GTPBP1: variants seen among roughly 807,000 people sequenced by gnomAD.
GTPBP1 encodes GTP-binding protein 1.
Under a neutral mutation model 62.0 loss-of-function variants are expected in GTPBP1, and 23 were observed. The ratio of observed to expected loss-of-function variants is 0.37; its 90% CI spans 0.27 to 0.53. The LOEUF (loss-of-function observed/expected upper bound fraction) is 0.53. GTPBP1 is among the 20% of genes least tolerant of loss of function. GTPBP1 has a pLI of 0.89. For synonymous variants in GTPBP1, 344 were observed against 364.4 expected (o/e 0.94, Z 0.64); for missense variants, 640 against 917.3 (o/e 0.70, Z 3.90).
At chr22:38,725,824 C>T in intron 6 of GTPBP1, 182 bp from the exon 7 acceptor site, 1 of 626,774 alleles carries the variant, frequency 1.6e-6, no homozygotes, top group Non-Finnish European at 2.8e-6. Flanking sequence ...TAGGGCTGGC[C>T]AGGAGCTTGC....
intron 2 of GTPBP1, 55 bp from the exon 3 acceptor site, chr22:38,715,852 C>A: frequency 6.8e-7 from 1 of 1,472,428 alleles, no homozygotes; most frequent in South Asian, 1.2e-5. Context: ...GGCTGGTTGG[C>A]AGGCTGGTTG....
downstream of GTPBP1, chr22:38,734,224 G>A (rs984068450): frequency 1.0e-4 from 46 of 438,896 alleles, no homozygotes; most frequent in African/African-American, 7.2e-4. Context: ...AGAGAACCAC[G>A]CGAACCAGGT....
downstream of GTPBP1, chr22:38,738,790 T>G: frequency 6.2e-7 from 1 of 1,606,692 alleles, no homozygotes; most frequent in Non-Finnish European, 8.5e-7. This position sits in a 1 kb window ranked among gnomAD's most constrained non-coding sequence, Gnocchi z 6.6. Flanking sequence ...GACAGGGCCC[T>G]GAGTCCAGCT....
At chr22:38,741,721 G>C (rs182017997), downstream of GTPBP1, 1 of 684,864 alleles carries the variant, frequency 1.5e-6, no homozygotes, top group Non-Finnish European at 2.6e-6. Flanking sequence ...CAAGACTCCC[G>C]CTTCAGCTCC....
downstream of GTPBP1, chr22:38,742,227 C>T: frequency 6.6e-7 from 1 of 1,504,420 alleles, no homozygotes; most frequent in Non-Finnish European, 8.9e-7. Flanking sequence ...CACTTGTTCT[C>T]TCTGCTGCTG....
chr22:38,713,056 A>C (rs1252098794), intron 2 of GTPBP1, among the ~76,000 whole-genome samples: 2 of 152,206 alleles, frequency 1.3e-5, no homozygotes, highest in East Asian at 1.9e-4. Context: ...AAGGCAGTAC[A>C]TTGCAAATGT....
chr22:38,708,983 T>G, intron 2 of GTPBP1, 27 bp downstream of exon 2: 1 of 1,382,646 alleles, frequency 7.2e-7, no homozygotes, highest in Non-Finnish European at 1.0e-6. Flanking sequence ...TTTCACTTTA[T>G]TTTTAAAAAT....
intron 10 of GTPBP1, chr22:38,728,387 C>A (rs2092738170): frequency 1.9e-6 from 1 of 530,800 alleles, no homozygotes; most frequent in Non-Finnish European, 3.4e-6. Context: ...AGGGTATGAT[C>A]TTCCTCCATA....
downstream of GTPBP1, chr22:38,740,677 C>T (rs928599686): frequency 5.2e-6 from 3 of 572,796 alleles, no homozygotes; most frequent in African/African-American, 3.7e-5. This position sits in a 1 kb window ranked among gnomAD's most constrained non-coding sequence, Gnocchi z 4.8. Context: ...TACTCTGCCT[C>T]AGCCTCTCAC....
Position 38,726,413 on chromosome 22 carries a change from C to G in GTPBP1, c.1374C>G (p.Gly458=). 1 of 1,613,726 alleles carries G rather than the reference C, an allele frequency of 6.2e-7. No homozygotes were observed. The highest frequency in any genetic ancestry group is 2.2e-5 in the East Asian group (1 of 44,880). ...KRMPVKEVRG[G]QTASFALKKI... ...TGCCTGTCAAGGAGGTGCGGGGTGG[C>G]CAGACAGCATCCTTTGCGCTGAAGA... Residue 458 remains glycine, a synonymous_variant, in exon 8 of 12, where the codon GGC becomes GGG. Coordinates refer to ENST00000216044, the MANE Select transcript of GTPBP1 (RefSeq NM_004286.5). The surrounding 1 kb of genome is among the most constrained non-coding windows in gnomAD (Gnocchi z 4.1).
intron 2 of GTPBP1, 49 bp from the exon 3 acceptor site, chr22:38,715,858 G>A (rs1160657144): frequency 6.7e-7 from 1 of 1,500,418 alleles, no homozygotes; most frequent in South Asian, 1.2e-5. Context: ...TTGGCAGGCT[G>A]GTTGGTCAGG....
downstream of GTPBP1, chr22:38,736,602 A>G (rs1474100561): frequency 1.0e-5 from 4 of 391,858 alleles, no homozygotes; most frequent in Non-Finnish European, 1.8e-5. Flanking sequence ...CTTCATCTGA[A>G]ACCGGAATGA....
At chr22:38,741,668 G>T, downstream of GTPBP1, 2 of 1,178,486 alleles carry the variant, frequency 1.7e-6, no homozygotes, top group Non-Finnish European at 2.5e-6. Context: ...AACAAGGTCT[G>T]TTTGCTTCCA....
At chr22:38,720,789 C>CCCT (rs2092695907) in intron 4 of GTPBP1, among the ~76,000 whole-genome samples, 1 of 152,172 alleles carries the variant, frequency 6.6e-6, no homozygotes. Flanking sequence ...GTGTGCTGGA[C>CCCT]ACTTCATGTG....
downstream of GTPBP1, chr22:38,735,118 T>A: frequency 2.5e-6 from 1 of 393,514 alleles, no homozygotes. Context: ...AATATATACA[T>A]AATACAGTGG....
downstream of GTPBP1, among the ~76,000 whole-genome samples, chr22:38,736,970 A>G (rs1176903608): frequency 6.6e-6 from 1 of 152,116 alleles, no homozygotes; most frequent in Non-Finnish European, 1.5e-5. Flanking sequence ...TAGCCTCCCC[A>G]GTAGCTGGGA....
downstream of GTPBP1, chr22:38,736,127 C>T (rs1376237446): frequency 4.9e-6 from 4 of 818,060 alleles, no homozygotes; most frequent in East Asian, 2.7e-5. Flanking sequence ...AGACCCTGCC[C>T]GTCCTTTTCA....
In GTPBP1 at chr22:38,716,369, CT is replaced by C; in HGVS notation, c.486-279del. 1 of 586,510 alleles carries C rather than the reference CT, an allele frequency of 1.7e-6. No individual in the cohort carries two copies. Among genetic ancestry groups the C allele is most frequent in the South Asian group, 2.1e-5 (1 of 47,590 alleles). The allele number at this position is 586,510 out of a possible 1,614,324, so 36.3% of individuals were successfully genotyped here. ...GGAAACCAGGGTCATGGAGAAGAGC[CT>C]TTTGTGCCTCTGGTAGCCTTGCGGC... On this transcript the variant is annotated intron_variant, in intron 3 of 11. Coordinates refer to ENST00000216044, the MANE Select transcript of GTPBP1 (RefSeq NM_004286.5). The surrounding 1 kb of genome is among the most constrained non-coding windows in gnomAD (Gnocchi z 5.2).
At chr22:38,737,237 C>T (rs532142034), downstream of GTPBP1, among the ~76,000 whole-genome samples, 101 of 152,244 alleles carry the variant, frequency 6.6e-4, no homozygotes, top group Middle Eastern at 3.4e-3. This position sits in a 1 kb window ranked among gnomAD's most constrained non-coding sequence, Gnocchi z 4.1. Context: ...CTGGCTCCCC[C>T]GACAGCTCCA....
Sources: gnomAD v4.1 joint callset for allele counts (sites outside exome capture counted in the v4.1 genomes callset) on GRCh38, gnomAD v4.1.1 for gene constraint, Gnocchi (gnomAD v3.1) non-coding constraint, MANE v1.5 for transcripts, NCBI Gene and HGNC (gene_info 2026-07-23, HGNC 2026-07-21) for gene names.